ZNF273: variants seen among roughly 807,000 people sequenced by gnomAD.
ZNF273 encodes zinc finger protein 273.
In ZNF273, 11 loss-of-function variants were observed where a neutral mutation model predicts 14.9. The observed-to-expected ratio is 0.74, with a 90% CI of 0.46 to 1.22. The LOEUF (loss-of-function observed/expected upper bound fraction) is 1.22, where lower values mean the gene tolerates loss of function less well. Ranked by LOEUF, ZNF273 falls within the 50% of genes most tolerant of loss-of-function variation. The probability of loss-of-function intolerance (pLI) is 0.00; values close to 1 mark genes in which losing one functional copy is unlikely to be tolerated. For missense variants in ZNF273, 577 were observed against 660.6 expected, an observed-to-expected ratio of 0.87 and a Z score of 1.39; for synonymous variants, 199 against 223.9, an observed-to-expected ratio of 0.89 and a Z score of 0.99.
intron 1 of ZNF273, chr7:64,888,224 C>CTG: frequency 1.1e-6 from 1 of 894,324 alleles, no homozygotes; most frequent in Non-Finnish European, 1.3e-6. Flanking sequence ...GCTGCTGCTG[C>CTG]CCCACCCTCC....
chr7:64,896,162 C>G (rs535013755), intron 3 of ZNF273, among the ~76,000 whole-genome samples: 4 of 152,160 alleles, frequency 2.6e-5, no homozygotes, highest in Admixed American at 2.6e-4. Flanking sequence ...TAGCTATTTC[C>G]CTCAGTCTTT....
At chr7:64,921,563 A>G (rs550914808) in intron 3 of ZNF273, among the ~76,000 whole-genome samples, 2 of 120,012 alleles carry the variant, frequency 1.7e-5, no homozygotes, top group Admixed American at 1.7e-4. Context: ...AAATTGACCT[A>G]TTTTACCATT....
chr7:64,895,551 C>G (rs531535473), intron 3 of ZNF273, among the ~76,000 whole-genome samples: 1 of 152,184 alleles, frequency 6.6e-6, no homozygotes, highest in East Asian at 1.9e-4. Context: ...TTATATAGTA[C>G]AGCTCATACA....
chr7:64,933,300 G>A (rs1401560213), downstream of ZNF273: 2 of 152,164 alleles, frequency 1.3e-5, no homozygotes, highest in East Asian at 1.9e-4. Context: ...TATTTTTTTG[G>A]TTGGTGAAGT....
At chr7:64,887,642 C>A (rs7455686) in intron 1 of ZNF273, among the ~76,000 whole-genome samples, 62,980 of 142,546 alleles carry the variant, frequency 0.44, 13,281 homozygotes, top group South Asian at 0.5. Context: ...AGATTACAGG[C>A]GCCCGCCACT....
downstream of ZNF273, among the ~76,000 whole-genome samples, chr7:64,881,001 A>C (rs1209152097): frequency 6.6e-6 from 1 of 152,166 alleles, no homozygotes; most frequent in Admixed American, 6.5e-5. Context: ...CAATCTGGTG[A>C]GGTGTGGATG....
chr7:64,936,951 G>T, the ZNF273 span, among the ~76,000 whole-genome samples: 5 of 152,270 alleles, frequency 3.3e-5, no homozygotes, highest in African/African-American at 1.2e-4. Flanking sequence ...AGCATTTGAT[G>T]TTGTACAGCT....
intron 1 of ZNF273, among the ~76,000 whole-genome samples, chr7:64,907,877 G>T (rs1008388658): frequency 6.6e-6 from 1 of 152,056 alleles, no homozygotes; most frequent in Admixed American, 6.6e-5. Context: ...GAAATGAGCT[G>T]TGATAACAGA....
At chr7:64,884,537 G>T (rs1446908900), downstream of ZNF273, among the ~76,000 whole-genome samples, 1 of 152,000 alleles carries the variant, frequency 6.6e-6, no homozygotes, top group African/African-American at 2.4e-5. Flanking sequence ...TGCCTTTATT[G>T]TCGTTCCTGC....
downstream of ZNF273, among the ~76,000 whole-genome samples, chr7:64,892,548 G>A (rs1792100887): frequency 6.6e-6 from 1 of 152,150 alleles, no homozygotes. Flanking sequence ...GAGATTTGTT[G>A]CCTAATGGTC....
chr7:64,912,591 C>A (rs1300865187), intron 1 of ZNF273, among the ~76,000 whole-genome samples: 1 of 152,000 alleles, frequency 6.6e-6, no homozygotes, highest in Non-Finnish European at 1.5e-5. Flanking sequence ...TTCAGATGTC[C>A]AAGAGTTCAA....
At chr7:64,896,625 T>C (rs1033713423) in intron 3 of ZNF273, among the ~76,000 whole-genome samples, 1 of 152,096 alleles carries the variant, frequency 6.6e-6, no homozygotes, top group African/African-American at 2.4e-5. Context: ...GAAGAGCTTT[T>C]CAGTGAAAAA....
downstream of ZNF273, among the ~76,000 whole-genome samples, chr7:64,934,022 G>A (rs555526736): frequency 8.5e-5 from 13 of 152,116 alleles, no homozygotes; most frequent in African/African-American, 2.9e-4. Context: ...CTATAATTAT[G>A]TACCTGGGAT....
In ZNF273 at chr7:64,929,089, A is replaced by G. The variant is rs569193353; in HGVS notation, c.*51A>G. ...TTAAGCGGTTGTCACACTTGATTGT[A>G]TATAAGATAATTCATACTGGAGAAA... On this transcript the variant is annotated 3_prime_UTR_variant, in exon 4 of 4. Coordinates refer to ENST00000476120, the MANE Select transcript of ZNF273 (RefSeq NM_021148.3). 12 of 651,132 alleles carry G rather than the reference A, an allele frequency of 1.8e-5. No individual in the cohort carries two copies. The East Asian group carries it at 5.5e-4, about 30-fold the overall frequency. The allele number at this position is 651,132 out of a possible 1,614,324, so 40.3% of individuals were successfully genotyped here. A position where few individuals can be genotyped will look rare whatever the true frequency, so the allele number is the denominator to read the frequency against.
At chr7:64,924,845 G>C (rs1794700947) in intron 3 of ZNF273, among the ~76,000 whole-genome samples, 1 of 151,138 alleles carries the variant, frequency 6.6e-6, no homozygotes, top group Non-Finnish European at 1.5e-5. Flanking sequence ...TGTCACCCAG[G>C]CTAGAGTAGT....
At chr7:64,905,208 C>G (rs1004118891) in intron 1 of ZNF273, among the ~76,000 whole-genome samples, 6 of 148,100 alleles carry the variant, frequency 4.1e-5, no homozygotes, top group African/African-American at 1.2e-4. Flanking sequence ...CTCCGCCTCC[C>G]AGGTTCAAGC....
downstream of ZNF273, among the ~76,000 whole-genome samples, chr7:64,892,376 G>C (rs1313899639): frequency 6.6e-6 from 1 of 152,068 alleles, no homozygotes; most frequent in Non-Finnish European, 1.5e-5. Flanking sequence ...CATAGTTAGT[G>C]CTCAGTAATA....
intron 3 of ZNF273, among the ~76,000 whole-genome samples, chr7:64,920,255 CT>C (rs1794330116): frequency 6.6e-6 from 1 of 151,992 alleles, no homozygotes; most frequent in African/African-American, 2.4e-5. Flanking sequence ...CAGGACTTTG[CT>C]TTGTAGGGCA....
intron 1 of ZNF273, among the ~76,000 whole-genome samples, chr7:64,914,104 T>C (rs1002870472): frequency 1.3e-5 from 2 of 151,044 alleles, no homozygotes; most frequent in African/African-American, 2.4e-5. Context: ...GCCTCCTGGG[T>C]TCAAGCGATT....
Sources: allele counts gnomAD v4.1 joint callset (sites outside exome capture counted in the v4.1 genomes callset), GRCh38; gene constraint gnomAD v4.1.1; transcripts MANE v1.5; gene names NCBI Gene and HGNC (gene_info 2026-07-23, HGNC 2026-07-21).